Variants in CSMD1 observed in about 807,000 individuals in gnomAD.
The protein encoded by CSMD1 is CUB and sushi domain-containing protein 1.
In CSMD1, 213 loss-of-function variants were observed where a neutral mutation model predicts 417.5. That is an observed-to-expected ratio of 0.51 (90% CI 0.46 to 0.57). The LOEUF (loss-of-function observed/expected upper bound fraction) is 0.57. CSMD1 is among the 20% of genes least tolerant of loss of function. The pLI, the probability that CSMD1 is intolerant of heterozygous loss-of-function variation, is 0.00. For missense variants in CSMD1, 6,923 were observed against 4,529.7 expected, an observed-to-expected ratio of 1.53 and a Z score of -15.17; for synonymous variants, 2,862 against 1,736.8, an observed-to-expected ratio of 1.65 and a Z score of -16.11.
At chr8:3,488,093 T>TATTA (rs1405593970) in intron 11 of CSMD1, among the ~76,000 whole-genome samples, 3 of 150,726 alleles carry the variant, frequency 2.0e-5, no homozygotes, top group African/African-American at 7.3e-5. Context: ...ATAGTATTAT[T>TATTA]ATTATTATTA....
chr8:3,898,763 T>A (rs1042938178), intron 5 of CSMD1, among the ~76,000 whole-genome samples: 2 of 152,170 alleles, frequency 1.3e-5, no homozygotes, highest in Non-Finnish European at 2.9e-5. Flanking sequence ...ACTGTATATA[T>A]ATTTGAGGAA....
Position 3,096,897 on chromosome 8 carries a change from C to T in CSMD1, c.7090G>A (p.Asp2364Asn). ...AACTGCTTTTCACTTTGAAATGTGT[C>T]CACAAAGATGGTAATGTTGTAGTTT... is the stretch of plus-strand genomic sequence containing the variant. Reference protein sequence around the residue: ...EPNYNITIFVDTFQSEKQFDA... With the variant: ...EPNYNITIFVNTFQSEKQFDA... Residue 2364 changes from aspartate (D) to asparagine (N), a missense_variant, in exon 47 of 70, where the codon GAC becomes AAC. Asp to Asn is a conservative substitution (Grantham distance 23, BLOSUM62 1). Coordinates refer to ENST00000635120, the MANE Select transcript of CSMD1 (RefSeq NM_033225.6). 2 of 1,557,290 alleles carry T rather than the reference C, an allele frequency of 1.3e-6. No individual in the cohort carries two copies. Among genetic ancestry groups the T allele is most frequent in the Non-Finnish European group, 1.7e-6 (2 of 1,149,316 alleles).
chr8:3,478,547 G>C (rs891332044), intron 11 of CSMD1, among the ~76,000 whole-genome samples: 2 of 152,132 alleles, frequency 1.3e-5, no homozygotes, highest in African/African-American at 4.8e-5. Flanking sequence ...TGGGACCGAA[G>C]ACCAGAGAAA....
chr8:3,662,856 G>C (rs71521886), intron 7 of CSMD1, among the ~76,000 whole-genome samples: 24 of 152,086 alleles, frequency 1.6e-4, no homozygotes, highest in East Asian at 9.7e-4. Context: ...GGGGAAAGAG[G>C]GGGGAGAGCA....
chr8:4,390,386 G>T (rs1319903645), intron 3 of CSMD1, among the ~76,000 whole-genome samples: 3 of 152,062 alleles, frequency 2.0e-5, no homozygotes, highest in African/African-American at 7.2e-5. Flanking sequence ...CTAAAATGTT[G>T]TCAATGTAAC....
At chr8:3,514,775 G>C (rs74989024) in intron 10 of CSMD1, among the ~76,000 whole-genome samples, 3 of 151,974 alleles carry the variant, frequency 2.0e-5, no homozygotes, top group African/African-American at 7.3e-5. Flanking sequence ...TACTGCACAT[G>C]ATCCTTTAGT....
At position 4,240,623 on chromosome 8, in the gene CSMD1, A is replaced by T. The variant is rs146631274; in HGVS notation, c.415+179330T>A. On this transcript the variant is annotated intron_variant, in intron 3 of 69. Transcript: ENST00000635120. ...CTTTCACACTGAGGATGGCTATCCA[A>T]TCTCATTCCCAGTGCCTTTCAACAA... Among the ~76,000 whole-genome samples, 80 of 152,284 alleles carry T rather than the reference A, an allele frequency of 5.3e-4. No homozygotes were observed. The East Asian group carries it at 0.014, about 27-fold the overall frequency.
intron 5 of CSMD1, among the ~76,000 whole-genome samples, chr8:3,821,640 G>C (rs185367951): frequency 6.6e-6 from 1 of 152,018 alleles, no homozygotes; most frequent in South Asian, 2.1e-4. Context: ...AAATTAGCCG[G>C]GCATGGTGGC....
At chr8:4,251,632 C>T (rs567792328) in intron 3 of CSMD1, among the ~76,000 whole-genome samples, 2 of 152,262 alleles carry the variant, frequency 1.3e-5, no homozygotes, top group Admixed American at 1.3e-4. Flanking sequence ...TACACACTGG[C>T]AGCTGAATCA....
rs776978791 is a variant in CSMD1 at position 4,048,195 on chromosome 8, G to C, written c.416-16096C>G. On this transcript the variant is annotated intron_variant, in intron 3 of 69. Transcript: ENST00000635120. ...TTTTGGTTGTTGGTGCTGTATGGAT[G>C]TTTTCATATTGAATAACATACCGTT... Among the ~76,000 whole-genome samples, 4 of 152,248 alleles carry C rather than the reference G, an allele frequency of 2.6e-5. No individual in the cohort carries two copies. The East Asian group carries it at 5.8e-4, about 22-fold the overall frequency.
chr8:4,278,294 T>A (rs981309834), intron 3 of CSMD1, among the ~76,000 whole-genome samples: 6 of 152,034 alleles, frequency 3.9e-5, no homozygotes, highest in African/African-American at 1.4e-4. Context: ...TTCAAGGAGG[T>A]TAAAAACACA....
chr8:4,716,141 G>A (rs1194024287), intron 1 of CSMD1, among the ~76,000 whole-genome samples: 1 of 152,158 alleles, frequency 6.6e-6, no homozygotes, highest in African/African-American at 2.4e-5. Context: ...CCTGCCTGGT[G>A]AGCCAGGCTG....
chr8:3,555,490 G>T (rs1003376324), intron 10 of CSMD1, among the ~76,000 whole-genome samples: 1 of 152,196 alleles, frequency 6.6e-6, no homozygotes, highest in Non-Finnish European at 1.5e-5. Flanking sequence ...GATGCTGACA[G>T]GTTTAAATTC....
At chr8:3,558,420 A>T (rs913639909) in intron 10 of CSMD1, among the ~76,000 whole-genome samples, 8 of 140,252 alleles carry the variant, frequency 5.7e-5, no homozygotes, top group African/African-American at 2.1e-4. Context: ...CGGTGCCTCA[A>T]TGGTACCCCG....
Position 4,396,210 on chromosome 8 carries a change from C to A in CSMD1, c.415+23743G>T, listed in dbSNP as rs556667995. Among the ~76,000 whole-genome samples, 445 of 152,080 alleles carry A rather than the reference C, an allele frequency of 2.9e-3. 3 individuals carry two copies. Among genetic ancestry groups the A allele is most frequent in the Middle Eastern group, 0.024 (7 of 294 alleles). On this transcript the variant is annotated intron_variant, in intron 3 of 69. Coordinates refer to ENST00000635120, the MANE Select transcript of CSMD1 (RefSeq NM_033225.6). ...TTGGGCACAATGACTCACGCCAATC[C>A]CAGCACTTTGGGAGACCAAGGTAGG...
rs542788587 is a variant in CSMD1 at position 3,000,029 on chromosome 8, C to A, written c.8132G>T (p.Arg2711Leu). 1.2e-6 allele frequency: 2 copies of A among 1,606,582 alleles called. No homozygotes were observed. Among genetic ancestry groups the A allele is most frequent in the Non-Finnish European group, 1.7e-6 (2 of 1,178,550 alleles). Residue 2711 changes from arginine (R) to leucine (L), a missense_variant, in exon 53 of 70, where the codon CGG becomes CTG. Physicochemically the swap from Arg to Leu is moderately radical, Grantham distance 102. Coordinates refer to ENST00000635120, the MANE Select transcript of CSMD1 (RefSeq NM_033225.6). ...TVVYQCNPGFRLVGTSVRICL... is the reference protein window; with the variant it reads ...TVVYQCNPGFLLVGTSVRICL... ...TATCCTCACGGAAGTTCCCACAAGCCGGAAACCAGGATTGCACTGGTAAAC... is the reference window on the plus strand; with the variant it reads ...TATCCTCACGGAAGTTCCCACAAGCAGGAAACCAGGATTGCACTGGTAAAC...
At chr8:4,268,022 T>C (rs946692166) in intron 3 of CSMD1, among the ~76,000 whole-genome samples, 2 of 152,218 alleles carry the variant, frequency 1.3e-5, no homozygotes, top group African/African-American at 4.8e-5. Context: ...ATAAGACATA[T>C]ATACGAGGTC....
At position 3,082,761 on chromosome 8, in the gene CSMD1, T is replaced by C. The variant is rs188735340; in HGVS notation, c.7474+4336A>G. 7.9e-5 allele frequency among the ~76,000 whole-genome samples: 12 copies of C among 152,274 alleles called. No homozygotes were observed. The East Asian group carries it at 2.1e-3, about 27-fold the overall frequency. The stretch of plus-strand genomic sequence containing the variant: ...ATACAAAAAGAAACATGTCAAGAAA[T>C]TATACAAAAGATACCCTCTCCATAA... On this transcript the variant is annotated intron_variant, in intron 49 of 69. Coordinates refer to ENST00000635120, the MANE Select transcript of CSMD1 (RefSeq NM_033225.6).
chr8:4,753,495 T>G (rs1054723340), intron 1 of CSMD1, among the ~76,000 whole-genome samples: 1 of 151,968 alleles, frequency 6.6e-6, no homozygotes, highest in African/African-American at 2.4e-5. Flanking sequence ...TCCATTCTTC[T>G]TTTTCATTTC....
Sources: allele counts gnomAD v4.1 joint callset (sites outside exome capture counted in the v4.1 genomes callset), GRCh38; gene constraint gnomAD v4.1.1; transcripts MANE v1.5; gene names NCBI Gene and HGNC (gene_info 2026-07-23, HGNC 2026-07-21).